The following EXOC4 variants were observed in gnomAD, a reference collection of about 807,000 sequenced individuals.
EXOC4 encodes the protein exocyst complex component 4, also known as SEC8-like 1.
In EXOC4, 71 loss-of-function variants were observed where a neutral mutation model predicts 107.2. The ratio of observed to expected loss-of-function variants is 0.66; its 90% CI spans 0.55 to 0.81. EXOC4 has a LOEUF of 0.81. Ranked by LOEUF, EXOC4 falls within the 30% of genes least tolerant of loss-of-function variation. EXOC4 has a pLI of 0.00. For synonymous variants in EXOC4, 456 were observed against 441.2 expected, an observed-to-expected ratio of 1.03 and a Z score of -0.42; for missense variants, 1,108 against 1,189.6, an observed-to-expected ratio of 0.93 and a Z score of 1.01.
chr7:133,434,031 C>A (rs1331314314), intron 7 of EXOC4, among the ~76,000 whole-genome samples: 2 of 152,146 alleles, frequency 1.3e-5, no homozygotes, highest in Admixed American at 6.5e-5. Context: ...TCCATTTTAT[C>A]TTAAGAAATA....
At chr7:133,371,966 G>T (rs1796386937) in intron 6 of EXOC4, among the ~76,000 whole-genome samples, 4 of 152,026 alleles carry the variant, frequency 2.6e-5, no homozygotes. Flanking sequence ...ATTTTGATTT[G>T]CATATCTCTG....
In EXOC4 at chr7:133,622,856, T is replaced by C. The variant is rs1171932056; in HGVS notation, c.1418-7189T>C. 2.6e-5 allele frequency among the ~76,000 whole-genome samples: 4 copies of C among 152,152 alleles called. No individual in the cohort carries two copies. The East Asian group carries it at 7.7e-4, about 29-fold the overall frequency. On this transcript the variant is annotated intron_variant, in intron 9 of 17. Transcript: ENST00000253861. ...CTGCGAATTCCTTGGAAACATAAAA[T>C]GATACTAAGCACATTGTAGGATATA...
chr7:133,314,950 A>G (rs1794956025), intron 4 of EXOC4: 1 of 152,134 alleles, frequency 6.6e-6, no homozygotes, highest in South Asian at 2.1e-4. Flanking sequence ...TTTTTATTTT[A>G]CTTTATTCAT....
At chr7:134,037,632 T>C (rs1399369941) in intron 17 of EXOC4, among the ~76,000 whole-genome samples, 1 of 152,108 alleles carries the variant, frequency 6.6e-6, no homozygotes, top group Non-Finnish European at 1.5e-5. Flanking sequence ...AACATGAACG[T>C]GAACATTTTA....
At chr7:133,657,287 C>G (rs1420060614) in intron 10 of EXOC4, among the ~76,000 whole-genome samples, 1 of 152,088 alleles carries the variant, frequency 6.6e-6, no homozygotes, top group African/African-American at 2.4e-5. Flanking sequence ...AGTTTTGTTA[C>G]TGAGCATAGA....
intron 14 of EXOC4, among the ~76,000 whole-genome samples, chr7:133,981,923 A>G (rs781649787): frequency 1.9e-4 from 29 of 152,260 alleles, no homozygotes; most frequent in South Asian, 4.1e-4. Flanking sequence ...CCATGCAGCC[A>G]TAAAGAAGAA....
intron 17 of EXOC4, among the ~76,000 whole-genome samples, chr7:134,047,462 A>G (rs764811876): frequency 1.3e-5 from 2 of 152,090 alleles, no homozygotes; most frequent in Non-Finnish European, 2.9e-5. Context: ...GACTCTCAGG[A>G]TGTATTTGCC....
At position 133,265,521 on chromosome 7, in the gene EXOC4, C is replaced by T. The variant is rs1326503769; in HGVS notation, c.87-9461C>T. Among the ~76,000 whole-genome samples the T allele has an allele frequency of 2.0e-5, 3 of 151,944 alleles. No individual in the cohort carries two copies. In the East Asian group the frequency reaches 5.8e-4, roughly 29 times the overall value. On this transcript the variant is annotated intron_variant, in intron 1 of 17. Coordinates refer to ENST00000253861, the MANE Select transcript of EXOC4 (RefSeq NM_021807.4). ...GGGATTCGGTGACATAGTTTATCCA[C>T]TTAGGGGCCCATTTTGAGTACTTTT...
intron 11 of EXOC4, among the ~76,000 whole-genome samples, chr7:133,870,401 G>A (rs1048530742): frequency 6.6e-6 from 1 of 152,174 alleles, no homozygotes; most frequent in Non-Finnish European, 1.5e-5. Context: ...GAGACAGATG[G>A]TTGCCCTCCA....
At chr7:133,301,917 C>T (rs901623871) in intron 3 of EXOC4, among the ~76,000 whole-genome samples, 13 of 152,058 alleles carry the variant, frequency 8.5e-5, no homozygotes, top group Non-Finnish European at 1.6e-4. Context: ...ACATGATAAG[C>T]GTGATTAAGA....
rs1794343377 is a variant in EXOC4, at chr7:133,288,970, G to C, written c.325G>C (p.Asp109His). The C allele has an allele frequency of 6.2e-7, 1 of 1,614,078 alleles. No individual in the cohort carries two copies. The highest frequency in any genetic ancestry group is 8.5e-7 in the Non-Finnish European group (1 of 1,180,016). The change falls in exon 3 of 18, where the codon GAT becomes CAT. Residue 109 changes from aspartate to histidine, a missense_variant. Coordinates refer to ENST00000253861, the MANE Select transcript of EXOC4 (RefSeq NM_021807.4). ...CAAGATGCTGCTGCACTGCAAACGG[G>C]ATGAGCTTCGGAAACTGTGGATTGA... Reference protein sequence around the residue: ...SCKMLLHCKRDELRKLWIEGI... With the variant: ...SCKMLLHCKRHELRKLWIEGI...
At chr7:133,756,217 C>G (rs940581047) in intron 10 of EXOC4, among the ~76,000 whole-genome samples, 1 of 152,102 alleles carries the variant, frequency 6.6e-6, no homozygotes, top group Non-Finnish European at 1.5e-5. Context: ...ATAAATCAAC[C>G]ATAATTACTA....
At chr7:133,542,416 C>T (rs1009649926) in intron 9 of EXOC4, among the ~76,000 whole-genome samples, 4 of 151,798 alleles carry the variant, frequency 2.6e-5, no homozygotes, top group Non-Finnish European at 5.9e-5. Context: ...TAGGGCAGGA[C>T]CCTTTCTGGA....
chr7:133,528,519 C>T (rs1359298779), intron 9 of EXOC4, among the ~76,000 whole-genome samples: 4 of 152,030 alleles, frequency 2.6e-5, no homozygotes, highest in African/African-American at 9.7e-5. Flanking sequence ...ATTGTTGTCA[C>T]TGTCAGTTGG....
intron 7 of EXOC4, among the ~76,000 whole-genome samples, chr7:133,411,353 T>C (rs1489446091): frequency 3.9e-5 from 6 of 152,176 alleles, no homozygotes; most frequent in Non-Finnish European, 8.8e-5. Flanking sequence ...AGTTGAAGCA[T>C]CTTTGTATAT....
intron 7 of EXOC4, among the ~76,000 whole-genome samples, chr7:133,429,579 G>A (rs1181493088): frequency 6.6e-6 from 1 of 152,124 alleles, no homozygotes; most frequent in Non-Finnish European, 1.5e-5. Flanking sequence ...CTGGCCTTTA[G>A]CAATCACTCA....
At chr7:133,653,716 T>C (rs1317243700) in intron 10 of EXOC4, among the ~76,000 whole-genome samples, 1 of 152,228 alleles carries the variant, frequency 6.6e-6, no homozygotes, top group African/African-American at 2.4e-5. Context: ...AGCCTGACTT[T>C]ATGAACCTTT....
chr7:133,530,932 G>A (rs563127401), intron 9 of EXOC4, among the ~76,000 whole-genome samples: 14 of 152,242 alleles, frequency 9.2e-5, no homozygotes, highest in Non-Finnish European at 1.9e-4. Flanking sequence ...AACCTTGAAT[G>A]TAGTCAAGGG....
At chr7:133,272,794 T>C (rs1793903275) in intron 1 of EXOC4, among the ~76,000 whole-genome samples, 1 of 152,200 alleles carries the variant, frequency 6.6e-6, no homozygotes, top group Non-Finnish European at 1.5e-5. Flanking sequence ...ATTTCCTCTC[T>C]AATCTTCATT....
Sources: allele counts gnomAD v4.1 joint callset (sites outside exome capture counted in the v4.1 genomes callset), GRCh38; gene constraint gnomAD v4.1.1; transcripts MANE v1.5; gene names NCBI Gene and HGNC (gene_info 2026-07-23, HGNC 2026-07-21).